DPP10: variants seen among roughly 807,000 people sequenced by gnomAD.
The protein encoded by DPP10 is inactive dipeptidyl peptidase 10.
DPP10 carries 33 observed loss-of-function variants against 120.9 expected under a neutral mutation model. That is an observed-to-expected ratio of 0.27 (90% CI 0.21 to 0.37). The LOEUF (loss-of-function observed/expected upper bound fraction) is 0.37. Ranked by LOEUF, DPP10 falls within the 10% of genes least tolerant of loss-of-function variation. The pLI is 1.00. For missense variants in DPP10, 816 were observed against 942.8 expected, an observed-to-expected ratio of 0.87 and a Z score of 1.76; for synonymous variants, 337 against 326.1, an observed-to-expected ratio of 1.03 and a Z score of -0.36.
At chr2:115,283,073 G>GT (rs1248456565) in intron 1 of DPP10, among the ~76,000 whole-genome samples, 1 of 151,770 alleles carries the variant, frequency 6.6e-6, no homozygotes, top group Non-Finnish European at 1.5e-5. Context: ...ATCTGGCCAT[G>GT]TTTTTTTCTT....
chr2:114,794,050 A>T (rs996584716), intron 1 of DPP10, among the ~76,000 whole-genome samples: 2 of 152,094 alleles, frequency 1.3e-5, no homozygotes, highest in African/African-American at 4.8e-5. Flanking sequence ...CTATTGCTGC[A>T]TTTCTGTCTT....
intron 13 of DPP10, among the ~76,000 whole-genome samples, chr2:115,774,090 G>A (rs1681795043): frequency 6.6e-6 from 1 of 151,828 alleles, no homozygotes; most frequent in Admixed American, 6.6e-5. Flanking sequence ...GAACTAAAAG[G>A]ATCATTGAAG....
At chr2:114,679,495 C>T (rs1431747207) in intron 1 of DPP10, among the ~76,000 whole-genome samples, 1 of 151,740 alleles carries the variant, frequency 6.6e-6, no homozygotes, top group Admixed American at 6.6e-5. Context: ...AGGTGAGTTG[C>T]CTGTATTTTT....
chr2:114,500,349 C>T (rs1425851740), intron 1 of DPP10, among the ~76,000 whole-genome samples: 1 of 152,196 alleles, frequency 6.6e-6, no homozygotes, highest in Non-Finnish European at 1.5e-5. Context: ...CATTTACCCA[C>T]ATGATGAAAT....
At chr2:114,945,764 C>A (rs1043065708) in intron 1 of DPP10, among the ~76,000 whole-genome samples, 6 of 151,752 alleles carry the variant, frequency 4.0e-5, no homozygotes, top group African/African-American at 1.5e-4. Context: ...TACAGTGAGC[C>A]GAGATCCCAC....
At chr2:115,276,534 T>A (rs1443718031) in intron 1 of DPP10, among the ~76,000 whole-genome samples, 1 of 152,116 alleles carries the variant, frequency 6.6e-6, no homozygotes, top group East Asian at 1.9e-4. Flanking sequence ...AGGTTGAGTG[T>A]CCAAGAGAAG....
intron 1 of DPP10, among the ~76,000 whole-genome samples, chr2:114,942,362 CATATAT>C (rs1194523098): frequency 7.7e-5 from 7 of 91,226 alleles, no homozygotes; most frequent in Non-Finnish European, 1.4e-4. Flanking sequence ...TATATATATA[CATATAT>C]ATACACACAC....
At chr2:114,643,458 G>A (rs909342904) in intron 1 of DPP10, among the ~76,000 whole-genome samples, 2 of 151,842 alleles carry the variant, frequency 1.3e-5, no homozygotes, top group African/African-American at 2.4e-5. Flanking sequence ...GAGCATGCAG[G>A]ATACTGACAA....
At chr2:115,820,799 A>ATGTGTGTGTGTGTGTG (rs869085100) in intron 21 of DPP10, among the ~76,000 whole-genome samples, 5 of 105,554 alleles carry the variant, frequency 4.7e-5, no homozygotes, top group Admixed American at 8.4e-5. Context: ...TCCATGGTGT[A>ATGTGTGTGTGTGTGTG]TGTGTGTGTG....
At chr2:115,031,910 T>A (rs546968438) in intron 1 of DPP10, among the ~76,000 whole-genome samples, 1 of 152,158 alleles carries the variant, frequency 6.6e-6, no homozygotes, top group Admixed American at 6.5e-5. Flanking sequence ...CTATATATAA[T>A]ATACTACGAC....
chr2:114,725,946 C>A (rs1203015025), intron 1 of DPP10, among the ~76,000 whole-genome samples: 1 of 152,102 alleles, frequency 6.6e-6, no homozygotes, highest in Non-Finnish European at 1.5e-5. Flanking sequence ...AAAAGTTCTT[C>A]TATAGGCTGG....
rs536019615 is a variant in DPP10 at position 115,143,649 on chromosome 2, C to T, written c.61-165590C>T. On this transcript the variant is annotated intron_variant, in intron 1 of 25. Coordinates refer to ENST00000410059, the MANE Select transcript of DPP10 (RefSeq NM_020868.6). ...CAAATGCACTTTAGAGTCCAGTGGG[C>T]TTGATCTTGCTGAGGATGGCCATGC... is the stretch of plus-strand genomic sequence containing the variant. 1.1e-4 allele frequency among the ~76,000 whole-genome samples: 17 copies of T among 152,256 alleles called. No individual in the cohort carries two copies. The East Asian group carries it at 3.1e-3, about 28-fold the overall frequency.
intron 1 of DPP10, among the ~76,000 whole-genome samples, chr2:115,076,620 A>T (rs1707819334): frequency 6.6e-6 from 1 of 152,064 alleles, no homozygotes; most frequent in Non-Finnish European, 1.5e-5. Context: ...GTAACATTGA[A>T]CCTCTTGCTT....
intron 1 of DPP10, among the ~76,000 whole-genome samples, chr2:115,153,057 A>G (rs554519361): frequency 6.6e-6 from 1 of 152,290 alleles, no homozygotes; most frequent in South Asian, 2.1e-4. Context: ...AGGAACCCTG[A>G]GCTTAAGGAA....
chr2:115,535,608 T>C (rs1423404181), intron 5 of DPP10, among the ~76,000 whole-genome samples: 1 of 150,294 alleles, frequency 6.7e-6, no homozygotes, highest in Admixed American at 6.6e-5. Flanking sequence ...TCTTTTTTGG[T>C]TCCATATGAA....
intron 16 of DPP10, among the ~76,000 whole-genome samples, 185 bp downstream of exon 16, chr2:115,781,180 A>G (rs1298248905): frequency 1.3e-5 from 2 of 151,868 alleles, no homozygotes; most frequent in South Asian, 2.1e-4. Context: ...GTATAGAAAT[A>G]AAAAATGAGA....
chr2:114,875,615 C>T (rs1305205897), intron 1 of DPP10, among the ~76,000 whole-genome samples: 1 of 151,978 alleles, frequency 6.6e-6, no homozygotes, highest in Admixed American at 6.6e-5. Flanking sequence ...GAACTTGATC[C>T]AAATATTCAG....
intron 1 of DPP10, among the ~76,000 whole-genome samples, chr2:115,279,543 CCGTGTTGATTTG>C (rs2105863308): frequency 6.6e-6 from 1 of 151,910 alleles, no homozygotes; most frequent in East Asian, 1.9e-4. Context: ...AAAAAAATCA[CCGTGTTGATTTG>C]CGTTTGATAG....
intron 3 of DPP10, among the ~76,000 whole-genome samples, chr2:115,465,330 A>G (rs922811237): frequency 2.0e-5 from 3 of 152,142 alleles, no homozygotes; most frequent in Non-Finnish European, 4.4e-5. Flanking sequence ...GACTAAAAAT[A>G]AAAACAGATT....
Sources: gnomAD v4.1 joint callset for allele counts (sites outside exome capture counted in the v4.1 genomes callset) on GRCh38, gnomAD v4.1.1 for gene constraint, MANE v1.5 for transcripts, NCBI Gene and HGNC (gene_info 2026-07-23, HGNC 2026-07-21) for gene names.